The following GPR31 variants were observed in gnomAD, a reference collection of about 807,000 sequenced individuals.
The protein encoded by GPR31 is G protein-coupled receptor 31.
For synonymous variants in GPR31, 209 were observed against 183.8 expected (o/e 1.14, Z -1.11); for missense variants, 394 against 400.5 (o/e 0.98, Z 0.14).
chr6:167,155,580 C>T lies in GPR31; in HGVS notation c.*1292G>A, dbSNP rs1014610554. ...ATTTGACAGAAAGCTTGGGACCACC[C>T]CTGTGGGATAATTGAAGGCATCAAA... is the stretch of plus-strand genomic sequence containing the variant. On this transcript the variant is annotated 3_prime_UTR_variant, in exon 1 of 1. Coordinates refer to ENST00000366834, the MANE Select transcript of GPR31 (RefSeq NM_005299.3). Among the ~76,000 whole-genome samples the T allele has an allele frequency of 6.6e-6, 1 of 152,146 alleles. No individual in the cohort carries two copies. Among genetic ancestry groups the T allele is most frequent in the African/African-American group, 2.4e-5 (1 of 41,422 alleles).
Position 167,156,790 on chromosome 6 carries a change from T to A in GPR31, c.*82A>T. The A allele has an allele frequency of 1.4e-6, 2 of 1,426,074 alleles. No homozygotes were observed. The highest frequency in any genetic ancestry group is 1.9e-6 in the Non-Finnish European group (2 of 1,051,118). The allele number at this position is 1,426,074 out of a possible 1,614,324, so 88.3% of individuals were successfully genotyped here. On this transcript the variant is annotated 3_prime_UTR_variant, in exon 1 of 1. Coordinates refer to ENST00000366834, the MANE Select transcript of GPR31 (RefSeq NM_005299.3). This position sits in a 1 kb window ranked among gnomAD's most constrained non-coding sequence, Gnocchi z 4.5. Reference sequence around the variant, plus strand: ...TTGCAGTCTTAAGACTTCTTCTTCTTCCAGAATCCCAAAGTAGGAGTAATT... The same window carrying A: ...TTGCAGTCTTAAGACTTCTTCTTCTACCAGAATCCCAAAGTAGGAGTAATT...
rs1162380500 is a variant in GPR31 at position 167,157,625 on chromosome 6, G to A, written c.207C>T (p.Phe69=). 1 of 1,613,830 alleles carries A rather than the reference G, an allele frequency of 6.2e-7. No individual in the cohort carries two copies. Among genetic ancestry groups the A allele is most frequent in the Admixed American group, 1.7e-5 (1 of 60,016 alleles). The change falls in exon 1 of 1, where the codon TTC becomes TTT. Residue 69 remains phenylalanine (F), a synonymous_variant. Transcript: ENST00000366834. ...GGAGGCTCAGGTAGAAGGCGGCCAG[G>A]AAAGGCAGGCACGCAGCCAACAGCA... The part of the protein sequence containing the change: ...ADLLLAACLP[F]LAAFYLSLQA...
Position 167,157,736 on chromosome 6 carries a change from G to T in GPR31, c.96C>A (p.Asn32Lys), listed in dbSNP as rs745982466. 2.5e-6 allele frequency: 4 copies of T among 1,613,562 alleles called. No individual in the cohort carries two copies. Among genetic ancestry groups the T allele is most frequent in the African/African-American group, 1.3e-5 (1 of 75,054 alleles). ...ACAGGAAGGTCCACAGCGCCACCGC[G>T]TTGCCCAGCAGACCCAGCCCACACT... The part of the protein sequence containing the change: ...GLECGLGLLG[N>K]AVALWTFLFR... Residue 32 changes from asparagine (N) to lysine (K), a missense_variant, in exon 1 of 1, where the codon AAC becomes AAA. Physicochemically the swap from Asn to Lys is moderately conservative, Grantham distance 94. Coordinates refer to ENST00000366834, the MANE Select transcript of GPR31 (RefSeq NM_005299.3).
In GPR31 at chr6:167,157,056, G is replaced by A; in HGVS notation, c.776C>T (p.Ala259Val). Reference sequence around the variant, plus strand: ...CGTGACATCCGAGGTATGAGCCACTGCACAAAGGGCCCTGCAGCTCCCCAG... The same window carrying A: ...CGTGACATCCGAGGTATGAGCCACTACACAAAGGGCCCTGCAGCTCCCCAG... ...QNLGSCRALC[A>V]VAHTSDVTGS... The change falls in exon 1 of 1, where the codon GCA becomes GTA. Residue 259 changes from alanine (A) to valine (V), a missense_variant. Ala to Val is a moderately conservative substitution (Grantham distance 64). Transcript: ENST00000366834. 6.2e-7 allele frequency: 1 copy of A among 1,614,168 alleles called. No homozygotes were observed. Among genetic ancestry groups the A allele is most frequent in the Non-Finnish European group, 8.5e-7 (1 of 1,180,022 alleles).
rs755713845 is a variant in GPR31, at chr6:167,157,554, A to C, written c.278T>G (p.Leu93Arg). The C allele has an allele frequency of 1.2e-5, 19 of 1,610,216 alleles. No homozygotes were observed. Among genetic ancestry groups the C allele is most frequent in the Non-Finnish European group, 1.6e-5 (19 of 1,177,440 alleles). Residue 93 changes from leucine (L) to arginine (R), a missense_variant, in exon 1 of 1, where the codon CTG (leucine) becomes CGG (arginine). Physicochemically the swap from Leu to Arg is moderately radical, Grantham distance 102. Coordinates refer to ENST00000366834, the MANE Select transcript of GPR31 (RefSeq NM_005299.3). ...GRVGCWALHF[L>R]LDLSRSVGMA... ...CCCCACGCTGCGGCTGAGGTCCAGC[A>C]GGAAGTGCAGGGCCCAGCAGCCCAC...
In GPR31 at chr6:167,156,922, C is replaced by T. The variant is rs1028003526; in HGVS notation, c.910G>A (p.Gly304Arg). Residue 304 changes from glycine to arginine, a missense_variant, in exon 1 of 1, where the codon GGG becomes AGG. Transcript: ENST00000366834. This position sits in a 1 kb window ranked among gnomAD's most constrained non-coding sequence, Gnocchi z 4.5. ...AAATCTGGGGGCTCTGCTGCCTGCC[C>T]TTTGCCTCGGAGGGTGTGGAAGACC... is the stretch of plus-strand genomic sequence containing the variant. ...RRVFHTLRGK[G>R]QAAEPPDFNP... The T allele has an allele frequency of 2.8e-5, 45 of 1,612,942 alleles. No individual in the cohort carries two copies. The highest frequency in any genetic ancestry group is 3.3e-5 in the Non-Finnish European group (39 of 1,179,498).
chr6:167,155,460 T>A lies in GPR31; in HGVS notation c.*1412A>T, dbSNP rs373845545. On this transcript the variant is annotated 3_prime_UTR_variant, in exon 1 of 1. Transcript: ENST00000366834. ...GGAACTCACTCCCACATTTCAAATT[T>A]GGTTCTGATAAGGAACCTCCCTGGC... 1.3e-5 allele frequency among the ~76,000 whole-genome samples: 2 copies of A among 152,220 alleles called. No individual in the cohort carries two copies. The highest frequency in any genetic ancestry group is 1.9e-4 in the East Asian group (1 of 5,194).
chr6:167,155,391 C>CT lies in GPR31; in HGVS notation c.*1480dup, dbSNP rs1054708273. Among the ~76,000 whole-genome samples, 2 of 152,184 alleles carry CT rather than the reference C, an allele frequency of 1.3e-5. No homozygotes were observed. Among genetic ancestry groups the CT allele is most frequent in the African/African-American group, 4.8e-5 (2 of 41,452 alleles). ...GCTGGTAGAATTCCAAATTATACTC[C>CT]TTTCGTTGGGCAGATTTTTACACCC... On this transcript the variant is annotated 3_prime_UTR_variant, in exon 1 of 1. Transcript: ENST00000366834.
In GPR31 at chr6:167,157,055, T is replaced by C. The variant is rs1192078580; in HGVS notation, c.777A>G (p.Ala259=). The C allele has an allele frequency of 6.2e-7, 1 of 1,614,172 alleles. No homozygotes were observed. The highest frequency in any genetic ancestry group is 1.1e-5 in the South Asian group (1 of 91,076). ...QNLGSCRALC[A]VAHTSDVTGS... ...CCGTGACATCCGAGGTATGAGCCAC[T>C]GCACAAAGGGCCCTGCAGCTCCCCA... The change falls in exon 1 of 1, where the codon GCA becomes GCG. Residue 259 remains alanine, a synonymous_variant. Transcript: ENST00000366834.
rs761615512 is a variant in GPR31, at chr6:167,157,622, C to T, written c.210G>A (p.Leu70=). ...CCTGGAGGCTCAGGTAGAAGGCGGC[C>T]AGGAAAGGCAGGCACGCAGCCAACA... is the stretch of plus-strand genomic sequence containing the variant. ...DLLLAACLPF[L]AAFYLSLQAW... The change falls in exon 1 of 1, where the codon CTG becomes CTA. Residue 70 remains leucine, a synonymous_variant. Transcript: ENST00000366834. 3.1e-6 allele frequency: 5 copies of T among 1,613,752 alleles called. 1 individual carries two copies. The South Asian group carries it at 5.5e-5, about 18-fold the overall frequency.
rs547543408 is a variant in GPR31, at chr6:167,155,943, G to A, written c.*929C>T. Among the ~76,000 whole-genome samples, 7 of 152,350 alleles carry A rather than the reference G, an allele frequency of 4.6e-5. No individual in the cohort carries two copies. In the South Asian group the frequency reaches 1.4e-3, roughly 32 times the overall value. On this transcript the variant is annotated 3_prime_UTR_variant, in exon 1 of 1. Coordinates refer to ENST00000366834, the MANE Select transcript of GPR31 (RefSeq NM_005299.3). ...GGCAGCTGTTGTAACGGCATCCAGAGGCTGGGGCTGGACGCCTGCCCACCT... is the reference window on the plus strand; with the variant it reads ...GGCAGCTGTTGTAACGGCATCCAGAAGCTGGGGCTGGACGCCTGCCCACCT...
rs1782057311 is a variant in GPR31 at position 167,155,794 on chromosome 6, A to G, written c.*1078T>C. Reference sequence around the variant, plus strand: ...TGGTGACTGCTTTTTGGCCCTAAGCAAACTTTTAGGTTTGAGCAGAGAATG... The same window carrying G: ...TGGTGACTGCTTTTTGGCCCTAAGCGAACTTTTAGGTTTGAGCAGAGAATG... On this transcript the variant is annotated 3_prime_UTR_variant, in exon 1 of 1. Transcript: ENST00000366834. Among the ~76,000 whole-genome samples, 2 of 152,248 alleles carry G rather than the reference A, an allele frequency of 1.3e-5. No individual in the cohort carries two copies. Among genetic ancestry groups the G allele is most frequent in the Non-Finnish European group, 2.9e-5 (2 of 68,042 alleles).
In GPR31 at chr6:167,156,360, G is replaced by C. The variant is rs990151668; in HGVS notation, c.*512C>G. ...GTACGACAGTACCTTATATACAGCAGAGTCTCTTTTTAGAACCAGGGCACT... is the reference window on the plus strand; with the variant it reads ...GTACGACAGTACCTTATATACAGCACAGTCTCTTTTTAGAACCAGGGCACT... On this transcript the variant is annotated 3_prime_UTR_variant, in exon 1 of 1. Transcript: ENST00000366834. This position sits in a 1 kb window ranked among gnomAD's most constrained non-coding sequence, Gnocchi z 4.5. 2 of 153,314 alleles carry C rather than the reference G, an allele frequency of 1.3e-5. No homozygotes were observed. Among genetic ancestry groups the C allele is most frequent in the Non-Finnish European group, 2.9e-5 (2 of 68,982 alleles). The allele number at this position is 153,314 out of a possible 1,614,324, so 9.5% of individuals were successfully genotyped here.
Position 167,156,936 on chromosome 6 carries a change from G to A in GPR31, c.896C>T (p.Thr299Ile). 6.2e-7 allele frequency: 1 copy of A among 1,614,102 alleles called. No homozygotes were observed. Among genetic ancestry groups the A allele is most frequent in the Non-Finnish European group, 8.5e-7 (1 of 1,179,956 alleles). The change falls in exon 1 of 1, where the codon ACC (threonine) becomes ATC (isoleucine). Residue 299 changes from threonine to isoleucine, a missense_variant. Physicochemically the swap from Thr to Ile is moderately conservative, Grantham distance 89 (BLOSUM62 -1). Transcript: ENST00000366834. This position sits in a 1 kb window ranked among gnomAD's most constrained non-coding sequence, Gnocchi z 4.5. ...TGCTGCCTGCCCTTTGCCTCGGAGG[G>A]TGTGGAAGACCCTCCGATAGGAGCT... The part of the protein sequence containing the change: ...FRSSYRRVFH[T>I]LRGKGQAAEP...
At position 167,156,748 on chromosome 6, in the gene GPR31, A is replaced by G; in HGVS notation, c.*124T>C. The G allele has an allele frequency of 2.7e-6, 3 of 1,102,778 alleles. No individual in the cohort carries two copies. 68.3% of individuals were successfully genotyped at this position (1,102,778 alleles called of 1,614,324 possible). A position where few individuals can be genotyped will look rare whatever the true frequency, so the allele number is the denominator to read the frequency against. The stretch of plus-strand genomic sequence containing the variant: ...ACCTGCAGCAACTGTGCCCATGTTT[A>G]TGCTCTGATCCTTGTATTGCAGTCT... On this transcript the variant is annotated 3_prime_UTR_variant, in exon 1 of 1. Coordinates refer to ENST00000366834, the MANE Select transcript of GPR31 (RefSeq NM_005299.3). The surrounding 1 kb of genome is among the most constrained non-coding windows in gnomAD (Gnocchi z 4.5).
chr6:167,157,295 T>C lies in GPR31; in HGVS notation c.537A>G (p.Glu179=), dbSNP rs760940349. Residue 179 remains glutamate, a synonymous_variant, in exon 1 of 1, where the codon GAA becomes GAG. Coordinates refer to ENST00000366834, the MANE Select transcript of GPR31 (RefSeq NM_005299.3). ...ADGSFSIIWQ[E]ALSCLQFVLP... ...GGACAAACTGAAGGCAGGAGAGTGC[T>C]TCCTGCCAGATGATGCTGAAGGAGC... 1 of 1,613,538 alleles carries C rather than the reference T, an allele frequency of 6.2e-7. No homozygotes were observed. The highest frequency in any genetic ancestry group is 2.2e-5 in the East Asian group (1 of 44,882).
chr6:167,157,354 T>C lies in GPR31; in HGVS notation c.478A>G (p.Thr160Ala). The stretch of plus-strand genomic sequence containing the variant: ...CTGGAGTAGAAACTGTGGCACCTGG[T>C]GGAGTTCTGGGCGGCCTCAGAGATG... ...LLISEAAQNS[T>A]RCHSFYSRAD... The change falls in exon 1 of 1, where the codon ACC becomes GCC. Residue 160 changes from threonine to alanine, a missense_variant. By Grantham distance (58) the Thr-to-Ala change is moderately conservative. Transcript: ENST00000366834. 1 of 1,613,482 alleles carries C rather than the reference T, an allele frequency of 6.2e-7. No individual in the cohort carries two copies. The highest frequency in any genetic ancestry group is 8.5e-7 in the Non-Finnish European group (1 of 1,179,970).
chr6:167,156,775 A>G lies in GPR31; in HGVS notation c.*97T>C. On this transcript the variant is annotated 3_prime_UTR_variant, in exon 1 of 1. Coordinates refer to ENST00000366834, the MANE Select transcript of GPR31 (RefSeq NM_005299.3). This position sits in a 1 kb window ranked among gnomAD's most constrained non-coding sequence, Gnocchi z 4.5. ...GCTCTGATCCTTGTATTGCAGTCTT[A>G]AGACTTCTTCTTCTTCCAGAATCCC... 1 of 1,332,398 alleles carries G rather than the reference A, an allele frequency of 7.5e-7. No homozygotes were observed. The highest frequency in any genetic ancestry group is 1.5e-5 in the African/African-American group (1 of 68,190). The allele number at this position is 1,332,398 out of a possible 1,614,324, so 82.5% of individuals were successfully genotyped here.
At position 167,157,542 on chromosome 6, in the gene GPR31, C is replaced by T. The variant is rs146361438; in HGVS notation, c.290G>A (p.Ser97Asn). Reference protein sequence around the residue: ...CWALHFLLDLSRSVGMAFLAA... With the variant: ...CWALHFLLDLNRSVGMAFLAA... ...CAGGAAGGCCATCCCCACGCTGCGG[C>T]TGAGGTCCAGCAGGAAGTGCAGGGC... is the stretch of plus-strand genomic sequence containing the variant. The change falls in exon 1 of 1, where the codon AGC becomes AAC. Residue 97 changes from serine (S) to asparagine (N), a missense_variant. Coordinates refer to ENST00000366834, the MANE Select transcript of GPR31 (RefSeq NM_005299.3). 7,070 of 1,610,376 alleles carry T rather than the reference C, an allele frequency of 4.4e-3. 72 individuals carry two copies. The highest frequency in any genetic ancestry group is 0.023 in the South Asian group (2,079 of 90,912).
Sources: allele counts gnomAD v4.1 joint callset (sites outside exome capture counted in the v4.1 genomes callset), GRCh38; gene constraint gnomAD v4.1.1; non-coding constraint Gnocchi (gnomAD v3.1); transcripts MANE v1.5; gene names NCBI Gene and HGNC (gene_info 2026-07-23, HGNC 2026-07-21).